Variants in KCNQ3 observed in about 807,000 individuals in gnomAD.
KCNQ3 encodes the protein potassium voltage-gated channel subfamily KQT member 3.
In KCNQ3, 30 loss-of-function variants were observed where a neutral mutation model predicts 92.5. That is an observed-to-expected ratio of 0.32 (90% CI 0.24 to 0.44). The LOEUF is 0.44. KCNQ3 is among the 20% of genes least tolerant of loss of function. The pLI is 1.00. For missense variants in KCNQ3, 913 were observed against 1,140.3 expected (o/e 0.80, Z 2.87); for synonymous variants, 450 against 468.8 (o/e 0.96, Z 0.52).
chr8:132,287,945 A>C (rs1242682975), intron 1 of KCNQ3, among the ~76,000 whole-genome samples: 1 of 152,112 alleles, frequency 6.6e-6, no homozygotes, highest in Non-Finnish European at 1.5e-5. Flanking sequence ...TATTAAAAAA[A>C]CCCTCATTTT....
intron 1 of KCNQ3, among the ~76,000 whole-genome samples, chr8:132,378,641 C>A (rs1375592912): frequency 6.6e-6 from 1 of 152,162 alleles, no homozygotes; most frequent in Non-Finnish European, 1.5e-5. Context: ...TGTTTGTTTT[C>A]CGAATGGAGG....
At chr8:132,407,007 C>T (rs564068075) in intron 1 of KCNQ3, among the ~76,000 whole-genome samples, 35 of 152,298 alleles carry the variant, frequency 2.3e-4, no homozygotes, top group African/African-American at 6.5e-4. Context: ...GCCCCTGTGC[C>T]CCAAGGCTGG....
At chr8:132,296,727 T>C (rs1411553655) in intron 1 of KCNQ3, among the ~76,000 whole-genome samples, 1 of 152,226 alleles carries the variant, frequency 6.6e-6, no homozygotes, top group Non-Finnish European at 1.5e-5. Context: ...ACTCTTCATT[T>C]TTCATGGCTG....
chr8:132,154,861 A>AT (rs1444275402), intron 9 of KCNQ3, among the ~76,000 whole-genome samples: 3 of 152,162 alleles, frequency 2.0e-5, no homozygotes, highest in Non-Finnish European at 4.4e-5. Flanking sequence ...AGAAGAACTC[A>AT]TTTTTTTCCT....
intron 3 of KCNQ3, among the ~76,000 whole-genome samples, chr8:132,182,557 T>A (rs1826820233): frequency 6.6e-6 from 1 of 152,218 alleles, no homozygotes; most frequent in Non-Finnish European, 1.5e-5. Flanking sequence ...AAATAGTGGA[T>A]ACTTCCCCAA....
chr8:132,226,418 G>T (rs10091700), intron 1 of KCNQ3, among the ~76,000 whole-genome samples: 1,921 of 152,212 alleles, frequency 0.013, 18 homozygotes, highest in South Asian at 0.048. Context: ...TGTAAGTGTG[G>T]GCGCGCATGC....
chr8:132,226,669 G>T lies in KCNQ3; in HGVS notation c.387-40488C>A. 1.3e-5 allele frequency among the ~76,000 whole-genome samples: 2 copies of T among 152,126 alleles called. 1 individual carries two copies. Among genetic ancestry groups the T allele is most frequent in the Non-Finnish European group, 2.9e-5 (2 of 68,022 alleles). On this transcript the variant is annotated intron_variant, in intron 1 of 14. Transcript: ENST00000388996. ...GAAAGGCAGGTTGAGGCTAGCATGT[G>T]GTCACCCCGGGAAGACAGCAGGGTA...
intron 1 of KCNQ3, among the ~76,000 whole-genome samples, chr8:132,455,395 C>G (rs1821916825): frequency 6.6e-6 from 1 of 152,238 alleles, no homozygotes; most frequent in Non-Finnish European, 1.5e-5. Context: ...GCGTAAGCCA[C>G]TGCACCTGGC....
At chr8:132,432,607 T>C (rs1391000325) in intron 1 of KCNQ3, among the ~76,000 whole-genome samples, 1 of 152,176 alleles carries the variant, frequency 6.6e-6, no homozygotes, top group Non-Finnish European at 1.5e-5. Context: ...ACCCTTCCAG[T>C]GCAAAGCCAG....
At chr8:132,359,248 G>C (rs1368492438) in intron 1 of KCNQ3, among the ~76,000 whole-genome samples, 3 of 152,226 alleles carry the variant, frequency 2.0e-5, no homozygotes, top group African/African-American at 4.8e-5. Context: ...TTAAATCTAA[G>C]AGGGAGAAAT....
At chr8:132,176,506 C>G (rs1371102158) in intron 4 of KCNQ3, among the ~76,000 whole-genome samples, 1 of 152,210 alleles carries the variant, frequency 6.6e-6, no homozygotes, top group East Asian at 1.9e-4. Flanking sequence ...GTCTGTCATT[C>G]TTGCTGAGTC....
At chr8:132,235,939 G>A (rs1448924272) in intron 1 of KCNQ3, among the ~76,000 whole-genome samples, 5 of 152,206 alleles carry the variant, frequency 3.3e-5, no homozygotes, top group African/African-American at 9.7e-5. Flanking sequence ...ACATGACTTG[G>A]CATGTGCTCT....
At chr8:132,131,694 T>G (rs1824883652) in intron 14 of KCNQ3, among the ~76,000 whole-genome samples, 1 of 152,208 alleles carries the variant, frequency 6.6e-6, no homozygotes, top group Non-Finnish European at 1.5e-5. Context: ...TTAATTAACT[T>G]GCACGTGATC....
intron 3 of KCNQ3, among the ~76,000 whole-genome samples, chr8:132,180,839 A>AAAAAAAAAAAC (rs1826737097): frequency 6.7e-6 from 1 of 150,280 alleles, no homozygotes; most frequent in Non-Finnish European, 1.5e-5. Context: ...GAATGTTAAA[A>AAAAAAAAAAAC]AAAAAAAAAA....
intron 1 of KCNQ3, among the ~76,000 whole-genome samples, chr8:132,345,299 T>C (rs1018396790): frequency 1.3e-5 from 2 of 152,136 alleles, no homozygotes; most frequent in African/African-American, 4.8e-5. Flanking sequence ...CCTTAGGATT[T>C]AAAAAGTGCA....
chr8:132,129,600 G>A lies in KCNQ3; in HGVS notation c.2281C>T (p.His761Tyr). ...LTLLDSRVSC[H>Y]SQADLQGPYS... ...GGGCCCTGCAGGTCAGCCTGGGAGT[G>A]GCAGCTCACTCGGGAGTCGAGAAGA... Residue 761 changes from histidine (H) to tyrosine (Y), a missense_variant, in exon 15 of 15, where the codon CAC (histidine) becomes TAC (tyrosine). Coordinates refer to ENST00000388996, the MANE Select transcript of KCNQ3 (RefSeq NM_004519.4). This position sits in a 1 kb window ranked among gnomAD's most constrained non-coding sequence, Gnocchi z 5.9. The A allele has an allele frequency of 6.2e-7, 1 of 1,614,174 alleles. No individual in the cohort carries two copies. Among genetic ancestry groups the A allele is most frequent in the Non-Finnish European group, 8.5e-7 (1 of 1,180,038 alleles).
intron 1 of KCNQ3, among the ~76,000 whole-genome samples, chr8:132,455,909 T>A (rs1472189266): frequency 1.3e-5 from 2 of 148,626 alleles, no homozygotes; most frequent in Non-Finnish European, 3.0e-5. Context: ...GCCTGGCTAA[T>A]TTTTTTTTTG....
chr8:132,419,551 G>C (rs367628157), intron 1 of KCNQ3, among the ~76,000 whole-genome samples: 4 of 152,124 alleles, frequency 2.6e-5, no homozygotes, highest in Non-Finnish European at 5.9e-5. Flanking sequence ...CCATCATGGG[G>C]GCCAGAGAAA....
intron 9 of KCNQ3, among the ~76,000 whole-genome samples, chr8:132,163,195 G>C (rs1826043209): frequency 6.6e-6 from 1 of 152,260 alleles, no homozygotes; most frequent in East Asian, 1.9e-4. Flanking sequence ...CTTACATTGT[G>C]GTTATGAAGA....
Sources: allele counts gnomAD v4.1 joint callset (sites outside exome capture counted in the v4.1 genomes callset), GRCh38; gene constraint gnomAD v4.1.1; non-coding constraint Gnocchi (gnomAD v3.1); transcripts MANE v1.5; gene names NCBI Gene and HGNC (gene_info 2026-07-23, HGNC 2026-07-21).